MGAT4A: variants seen among roughly 807,000 people sequenced by gnomAD.
The protein encoded by MGAT4A is alpha-1,3-mannosyl-glycoprotein 4-beta-N-acetylglucosaminyltransferase A.
A neutral mutation model predicts 74.1 loss-of-function variants in MGAT4A; 33 were observed. The observed-to-expected ratio is 0.45, with a 90% confidence interval of 0.34 to 0.60. The LOEUF is 0.60. Among genes scored for constraint, MGAT4A ranks in the 20% least tolerant of loss-of-function variants. The pLI, the probability that MGAT4A is intolerant of heterozygous loss-of-function variation, is 0.02. For synonymous variants in MGAT4A, 198 were observed against 210.4 expected (o/e 0.94, Z 0.51); for missense variants, 479 against 628.3 (o/e 0.76, Z 2.54).
intron 2 of MGAT4A, among the ~76,000 whole-genome samples, chr2:98,686,346 T>C (rs1222708461): frequency 6.6e-6 from 1 of 152,196 alleles, no homozygotes; most frequent in Non-Finnish European, 1.5e-5. Context: ...AAATCGGCTA[T>C]GGTTGAAATA....
At chr2:98,725,176 G>C (rs1172118247) in intron 2 of MGAT4A, among the ~76,000 whole-genome samples, 3 of 152,080 alleles carry the variant, frequency 2.0e-5, no homozygotes, top group Admixed American at 6.6e-5. Flanking sequence ...AAGCAAAAAG[G>C]ACCTTAGCAA....
intron 2 of MGAT4A, among the ~76,000 whole-genome samples, chr2:98,696,317 C>T (rs1702274804): frequency 6.6e-6 from 1 of 152,210 alleles, no homozygotes. Context: ...CACTTGCCAT[C>T]TCTGGGCTGG....
At chr2:98,673,088 G>A (rs537212887) in intron 4 of MGAT4A, among the ~76,000 whole-genome samples, 26 of 152,188 alleles carry the variant, frequency 1.7e-4, no homozygotes, top group African/African-American at 6.3e-4. Flanking sequence ...TGTGGTGGAA[G>A]GATACAGATG....
At chr2:98,692,989 C>G (rs1702215312) in intron 2 of MGAT4A, among the ~76,000 whole-genome samples, 1 of 152,078 alleles carries the variant, frequency 6.6e-6, no homozygotes, top group African/African-American at 2.4e-5. Context: ...CTGAAGAAAC[C>G]CATGAAAAGA....
At chr2:98,706,404 C>T (rs971550492) in intron 2 of MGAT4A, among the ~76,000 whole-genome samples, 33 of 151,906 alleles carry the variant, frequency 2.2e-4, no homozygotes, top group African/African-American at 7.5e-4. Context: ...GATCTCAGCT[C>T]ACTGCAACCT....
intron 14 of MGAT4A, among the ~76,000 whole-genome samples, chr2:98,630,221 G>A (rs1701209744): frequency 6.6e-6 from 1 of 152,190 alleles, no homozygotes; most frequent in South Asian, 2.1e-4. Context: ...CCAGAGAACA[G>A]ATCGTGCTGT....
chr2:98,680,417 GA>G (rs1297733227), intron 2 of MGAT4A, among the ~76,000 whole-genome samples: 1 of 152,164 alleles, frequency 6.6e-6, no homozygotes, highest in Admixed American at 6.5e-5. Context: ...ACAGACTTAT[GA>G]AAAATGAATC....
intron 2 of MGAT4A, among the ~76,000 whole-genome samples, chr2:98,686,092 A>G (rs1028924803): frequency 6.6e-6 from 1 of 152,094 alleles, no homozygotes; most frequent in African/African-American, 2.4e-5. Context: ...TATCCAGTGA[A>G]CACCAGTTTC....
chr2:98,682,291 G>A (rs1198591645), intron 2 of MGAT4A, among the ~76,000 whole-genome samples: 3 of 151,848 alleles, frequency 2.0e-5, no homozygotes, highest in African/African-American at 4.8e-5. Flanking sequence ...ACATAGTGGC[G>A]CATGCCTGTA....
intron 3 of MGAT4A, among the ~76,000 whole-genome samples, chr2:98,676,973 G>A (rs1442365484): frequency 6.6e-6 from 1 of 152,190 alleles, no homozygotes; most frequent in East Asian, 1.9e-4. Flanking sequence ...GAAGGAGCAC[G>A]CAACTTTATA....
chr2:98,657,389 C>T lies in MGAT4A; in HGVS notation c.584+829G>A, dbSNP rs146329983. 4.2e-3 allele frequency among the ~76,000 whole-genome samples: 644 copies of T among 152,264 alleles called. 2 individuals carry two copies. The highest frequency in any genetic ancestry group is 0.02 in the Middle Eastern group (6 of 294). On this transcript the variant is annotated intron_variant, in intron 6 of 15. Transcript: ENST00000393487. The stretch of plus-strand genomic sequence containing the variant: ...CCCCTGAGGTCAGTGGGAAAGGGGA[C>T]CAATCATTACTGCCCTGTTCCTTAA...
At chr2:98,627,485 CCCACCT>C (rs1009026980) in intron 14 of MGAT4A, among the ~76,000 whole-genome samples, 5 of 152,258 alleles carry the variant, frequency 3.3e-5, no homozygotes, top group African/African-American at 4.8e-5. Flanking sequence ...AAATGATCCT[CCCACCT>C]CAGCCTCCCG....
intron 4 of MGAT4A, 77 bp from the exon 5 acceptor site, chr2:98,663,256 T>C (rs1701778836): frequency 2.0e-6 from 3 of 1,531,354 alleles, no homozygotes; most frequent in Non-Finnish European, 2.7e-6. Context: ...TCAAAAGTAT[T>C]ATACCCTCTC....
chr2:98,654,664 A>T (rs1178304274), intron 8 of MGAT4A, among the ~76,000 whole-genome samples: 1 of 152,178 alleles, frequency 6.6e-6, no homozygotes, highest in East Asian at 1.9e-4. Flanking sequence ...AAATAAATGG[A>T]AAGACATCTT....
At chr2:98,674,918 C>A (rs1047558709) in intron 4 of MGAT4A, 117 bp downstream of exon 4, 2 of 1,013,316 alleles carry the variant, frequency 2.0e-6, no homozygotes, top group Non-Finnish European at 2.9e-6. Context: ...CTGATGTGCA[C>A]AGATAAAGAA....
chr2:98,658,112 CT>C (rs1410839994), intron 6 of MGAT4A, 105 bp downstream of exon 6: 12 of 719,980 alleles, frequency 1.7e-5, no homozygotes, highest in Non-Finnish European at 2.6e-5. Context: ...AAACAATGAA[CT>C]CCACAGAGAA....
At chr2:98,681,167 G>A (rs1323564814) in intron 2 of MGAT4A, among the ~76,000 whole-genome samples, 1 of 152,104 alleles carries the variant, frequency 6.6e-6, no homozygotes, top group African/African-American at 2.4e-5. Context: ...ATTTTTAGTA[G>A]AGATGGTGTT....
chr2:98,680,090 G>GACA (rs1702039598), intron 2 of MGAT4A, among the ~76,000 whole-genome samples: 1 of 138,010 alleles, frequency 7.2e-6, no homozygotes, highest in Non-Finnish European at 1.5e-5. Flanking sequence ...GCCCAGGCTT[G>GACA]AGTACAGTGG....
chr2:98,672,474 G>A (rs564161442), intron 4 of MGAT4A, among the ~76,000 whole-genome samples: 3 of 152,274 alleles, frequency 2.0e-5, no homozygotes, highest in South Asian at 2.1e-4. Context: ...CAGTTGTGCC[G>A]TTTTGGTAGA....
Sources: gnomAD v4.1 joint callset for allele counts (sites outside exome capture counted in the v4.1 genomes callset) on GRCh38, gnomAD v4.1.1 for gene constraint, MANE v1.5 for transcripts, NCBI Gene and HGNC (gene_info 2026-07-23, HGNC 2026-07-21) for gene names.